The following MYT1 variants were observed in gnomAD, a reference collection of about 807,000 sequenced individuals.
MYT1 encodes myelin transcription factor I.
A neutral mutation model predicts 123.0 loss-of-function variants in MYT1; 23 were observed. The observed-to-expected ratio is 0.19, with a 90% CI of 0.13 to 0.26. The LOEUF is 0.26. Ranked by LOEUF, MYT1 falls within the 10% of genes least tolerant of loss-of-function variation. The pLI, the probability that MYT1 is intolerant of heterozygous loss-of-function variation, is 1.00. For missense variants in MYT1, 1,125 were observed against 1,472.5 expected (o/e 0.76, Z 3.86); for synonymous variants, 518 against 575.3 (o/e 0.90, Z 1.43).
In MYT1 at chr20:64,203,647, C is replaced by G. The variant is rs554130166; in HGVS notation, c.87-1388C>G. On this transcript the variant is annotated intron_variant, in intron 4 of 22. Coordinates refer to ENST00000328439, the MANE Select transcript of MYT1 (RefSeq NM_004535.3). The surrounding 1 kb of genome is among the most constrained non-coding windows in gnomAD (Gnocchi z 5.1). ...GGCTGCAGAGAACATCCCCCTCCCC[C>G]ACCCCATGGCTGCTGTTGAGCCAGG... Among the ~76,000 whole-genome samples, 146 of 152,278 alleles carry G rather than the reference C, an allele frequency of 9.6e-4. 1 individual carries two copies. The highest frequency in any genetic ancestry group is 3.4e-3 in the African/African-American group (142 of 41,550).
In MYT1 at chr20:64,218,787, T is replaced by A; in HGVS notation, c.1847-124T>A. The A allele has an allele frequency of 7.6e-7, 1 of 1,311,182 alleles. No individual in the cohort carries two copies. Among genetic ancestry groups the A allele is most frequent in the Non-Finnish European group, 1.1e-6 (1 of 926,920 alleles). 81.2% of individuals were successfully genotyped at this position (1,311,182 alleles called of 1,614,324 possible). A position where few individuals can be genotyped will look rare whatever the true frequency, so the allele number is the denominator to read the frequency against. On this transcript the variant is annotated intron_variant, in intron 11 of 22. Coordinates refer to ENST00000328439, the MANE Select transcript of MYT1 (RefSeq NM_004535.3). The surrounding 1 kb of genome is among the most constrained non-coding windows in gnomAD (Gnocchi z 4.0). ...ACTGACTTGTCTGCATTGCTGCCTC[T>A]TTTCAAGTTGTATATCAGCCTGGTG...
chr20:64,214,134 A>G (rs1983767055), intron 10 of MYT1, among the ~76,000 whole-genome samples: 3 of 152,210 alleles, frequency 2.0e-5, no homozygotes, highest in Admixed American at 2.0e-4. Flanking sequence ...GTCAAGGAAG[A>G]GGGTGGGTGC....
intron 2 of MYT1, among the ~76,000 whole-genome samples, chr20:64,197,580 G>C (rs140989937): frequency 9.7e-4 from 148 of 152,360 alleles, no homozygotes; most frequent in African/African-American, 3.5e-3. Flanking sequence ...GTGGAGTCCA[G>C]TGCTCTCCTC....
chr20:64,239,735 C>T (rs1328237880), intron 21 of MYT1, 25 bp from the exon 22 acceptor site: 13 of 1,612,954 alleles, frequency 8.1e-6, no homozygotes, highest in Non-Finnish European at 1.1e-5. Flanking sequence ...GGGCAGGCGG[C>T]ACTTCGAATC....
intron 1 of MYT1, among the ~76,000 whole-genome samples, 188 bp downstream of exon 1, chr20:64,164,927 C>T (rs1203721367): frequency 6.6e-6 from 1 of 152,076 alleles, no homozygotes; most frequent in East Asian, 1.9e-4. Context: ...TTCTTCTCCT[C>T]CCTGGCCTGC....
Position 64,217,291 on chromosome 20 carries a change from G to A in MYT1, c.1846+10G>A, listed in dbSNP as rs2145722800. 6.2e-7 allele frequency: 1 copy of A among 1,613,786 alleles called. No individual in the cohort carries two copies. The highest frequency in any genetic ancestry group is 8.5e-7 in the Non-Finnish European group (1 of 1,179,638). On this transcript the variant is annotated intron_variant, in intron 11 of 22. Coordinates refer to ENST00000328439, the MANE Select transcript of MYT1 (RefSeq NM_004535.3). ...CCTAAAGCCTTTCAATGTAAGTTGG[G>A]GAGAATTGTTCTTGTTTCTCTTCTG...
rs1411976355 is a variant in MYT1 at position 64,189,908 on chromosome 20, A to T, written c.-98-155A>T. On this transcript the variant is annotated intron_variant, in intron 1 of 22. Coordinates refer to ENST00000328439, the MANE Select transcript of MYT1 (RefSeq NM_004535.3). This position sits in a 1 kb window ranked among gnomAD's most constrained non-coding sequence, Gnocchi z 5.5. ...TTCCTGAAGCAGCCATGGAGCCATGACCTTGTCTGTTTCTCCGGTGGATTC... is the reference window on the plus strand; with the variant it reads ...TTCCTGAAGCAGCCATGGAGCCATGTCCTTGTCTGTTTCTCCGGTGGATTC... Among the ~76,000 whole-genome samples, 1 of 151,944 alleles carries T rather than the reference A, an allele frequency of 6.6e-6. No homozygotes were observed. Among genetic ancestry groups the T allele is most frequent in the Non-Finnish European group, 1.5e-5 (1 of 67,972 alleles).
At chr20:64,211,798 C>T (rs763232427) in intron 8 of MYT1, among the ~76,000 whole-genome samples, 1 of 152,258 alleles carries the variant, frequency 6.6e-6, no homozygotes, top group Non-Finnish European at 1.5e-5. Context: ...TGGTTTCTGC[C>T]GCAGGAGGGA....
intron 1 of MYT1, among the ~76,000 whole-genome samples, chr20:64,178,854 G>T (rs796316011): frequency 9.3e-6 from 1 of 107,050 alleles, no homozygotes; most frequent in Non-Finnish European, 1.8e-5. Flanking sequence ...GCCGTTATTC[G>T]GTGGGATACC....
rs1228283817 is a variant in MYT1 at position 64,231,698 on chromosome 20, A to T, written c.2676-466A>T. Among the ~76,000 whole-genome samples, 1 of 152,122 alleles carries T rather than the reference A, an allele frequency of 6.6e-6. No homozygotes were observed. Among genetic ancestry groups the T allele is most frequent in the Non-Finnish European group, 1.5e-5 (1 of 68,018 alleles). On this transcript the variant is annotated intron_variant, in intron 18 of 22. Coordinates refer to ENST00000328439, the MANE Select transcript of MYT1 (RefSeq NM_004535.3). The surrounding 1 kb of genome is among the most constrained non-coding windows in gnomAD (Gnocchi z 6.4). ...CTGCTGTCCCTGAGCTCCCCTGCTT[A>T]GGGGACCTTGTCATTCTTTTGTGAT...
rs1983521067 is a variant in MYT1 at position 64,207,611 on chromosome 20, T to A, written c.415T>A (p.Ser139Thr). The change falls in exon 7 of 23, where the codon TCC (serine) becomes ACC (threonine). Residue 139 changes from serine (S) to threonine (T), a missense_variant. Ser to Thr is a moderately conservative substitution (Grantham distance 58, BLOSUM62 1). Coordinates refer to ENST00000328439, the MANE Select transcript of MYT1 (RefSeq NM_004535.3). ...TTGTGCAGGAAGGAGCCCCGTCAAG[T>A]CCCATTTTGGATCCAACCCCATCGG... The part of the protein sequence containing the change: ...ETAEGRSPVK[S>T]HFGSNPIGSA... The A allele has an allele frequency of 3.7e-6, 6 of 1,613,276 alleles. No individual in the cohort carries two copies. In the East Asian group the frequency reaches 1.3e-4, roughly 36 times the overall value.
intron 2 of MYT1, among the ~76,000 whole-genome samples, chr20:64,197,645 G>A (rs559413392): frequency 2.6e-5 from 4 of 152,310 alleles, no homozygotes; most frequent in African/African-American, 7.2e-5. Context: ...GTGGCTCCCC[G>A]GGAAGGATGT....
intron 1 of MYT1, among the ~76,000 whole-genome samples, chr20:64,176,768 C>A (rs1982469285): frequency 6.6e-6 from 1 of 152,204 alleles, no homozygotes; most frequent in Admixed American, 6.5e-5. Flanking sequence ...TCCCAGGCAC[C>A]CCGGGAGGGA....
intron 4 of MYT1, among the ~76,000 whole-genome samples, chr20:64,201,205 C>T (rs1035402176): frequency 2.0e-5 from 3 of 152,160 alleles, no homozygotes; most frequent in South Asian, 2.1e-4. Flanking sequence ...GCAGGGTGCT[C>T]TCTTGTAGCT....
Position 64,231,666 on chromosome 20 carries a change from C to A in MYT1, c.2676-498C>A, listed in dbSNP as rs1245489313. 6.6e-6 allele frequency among the ~76,000 whole-genome samples: 1 copy of A among 152,212 alleles called. No individual in the cohort carries two copies. Among genetic ancestry groups the A allele is most frequent in the Non-Finnish European group, 1.5e-5 (1 of 68,036 alleles). ...CTCAGTCTGGGAGGCTGTGGGGTGA[C>A]AGGCCTCTGCTGTCCCTGAGCTCCC... On this transcript the variant is annotated intron_variant, in intron 18 of 22. Transcript: ENST00000328439. The surrounding 1 kb of genome is among the most constrained non-coding windows in gnomAD (Gnocchi z 6.4).
chr20:64,169,603 A>C (rs921461635), intron 1 of MYT1, among the ~76,000 whole-genome samples: 2 of 152,142 alleles, frequency 1.3e-5, no homozygotes, highest in Admixed American at 6.5e-5. Flanking sequence ...CTGCTGACTG[A>C]ATACTTGGTT....
At chr20:64,239,944 C>G in intron 22 of MYT1, 41 bp downstream of exon 22, 1 of 1,602,378 alleles carries the variant, frequency 6.2e-7, no homozygotes, top group South Asian at 1.1e-5. Context: ...AGCTACCCCC[C>G]AGGGTCTCTT....
At chr20:64,221,209 T>C (rs1023142817) in intron 13 of MYT1, among the ~76,000 whole-genome samples, 1 of 152,044 alleles carries the variant, frequency 6.6e-6, no homozygotes, top group African/African-American at 2.4e-5. Context: ...CACATGCGAG[T>C]GCCTGTCAGG....
At chr20:64,200,162 C>T (rs1052878606) in intron 4 of MYT1, among the ~76,000 whole-genome samples, 1 of 152,204 alleles carries the variant, frequency 6.6e-6, no homozygotes, top group Non-Finnish European at 1.5e-5. Context: ...GGCAAGGACA[C>T]GGATGTGCCT....
Sources: gnomAD v4.1 joint callset for allele counts (sites outside exome capture counted in the v4.1 genomes callset) on GRCh38, gnomAD v4.1.1 for gene constraint, Gnocchi (gnomAD v3.1) non-coding constraint, MANE v1.5 for transcripts, NCBI Gene and HGNC (gene_info 2026-07-23, HGNC 2026-07-21) for gene names.